Variants in BRF1 observed in about 807,000 individuals in gnomAD.
BRF1 encodes the protein BRF1 general transcription factor IIIB subunit.
A neutral mutation model predicts 81.7 loss-of-function variants in BRF1; 59 were observed. That is an observed-to-expected ratio of 0.72 (90% CI 0.59 to 0.90). The LOEUF (loss-of-function observed/expected upper bound fraction) is 0.90, where lower values mean the gene tolerates loss of function less well. BRF1 is among the 40% of genes least tolerant of loss of function. BRF1 has a pLI of 0.00. For synonymous variants in BRF1, 491 were observed against 395.6 expected (o/e 1.24, Z -2.86); for missense variants, 1,050 against 936.3 (o/e 1.12, Z -1.58).
intron 15 of BRF1, 76 bp downstream of exon 15, chr14:105,217,468 T>G: frequency 1.3e-6 from 2 of 1,566,900 alleles, no homozygotes; most frequent in Non-Finnish European, 8.7e-7. Flanking sequence ...CCCCGGCAGC[T>G]CCAGGACCCG....
At chr14:105,313,176 A>G (rs1420823821) in intron 1 of BRF1, among the ~76,000 whole-genome samples, 1 of 152,160 alleles carries the variant, frequency 6.6e-6, no homozygotes, top group Admixed American at 6.5e-5. Context: ...CACAGGCACC[A>G]TGTGTCAGGC....
intron 5 of BRF1, among the ~76,000 whole-genome samples, chr14:105,251,485 G>C (rs1329811872): frequency 6.6e-6 from 1 of 152,170 alleles, no homozygotes; most frequent in Non-Finnish European, 1.5e-5. Flanking sequence ...CCCACCCCTT[G>C]TCTCTCTCCT....
intron 3 of BRF1, 113 bp from the exon 4 acceptor site, chr14:105,256,662 C>A: frequency 6.8e-7 from 1 of 1,461,862 alleles, no homozygotes; most frequent in Non-Finnish European, 9.2e-7. Flanking sequence ...GTCGCCCCTC[C>A]AAATATAAGC....
At chr14:105,256,696 G>A in intron 3 of BRF1, 147 bp from the exon 4 acceptor site, 1 of 1,359,260 alleles carries the variant, frequency 7.4e-7, no homozygotes, top group Non-Finnish European at 9.9e-7. Context: ...AGGAAGGAAA[G>A]GTGGTATGGA....
At chr14:105,248,211 T>C in intron 5 of BRF1, 7 of 985,456 alleles carry the variant, frequency 7.1e-6, no homozygotes, top group Non-Finnish European at 8.4e-6. Context: ...TCGCGAAGCA[T>C]CTGAACGAAC....
In BRF1 at chr14:105,286,373, G is replaced by C. The variant is rs1471142941; in HGVS notation, c.188C>G (p.Ala63Gly). The C allele has an allele frequency of 1.9e-6, 3 of 1,612,490 alleles. No homozygotes were observed. The change falls in exon 2 of 18, where the codon GCT becomes GGT. Residue 63 changes from alanine (A) to glycine (G), a missense_variant. By Grantham distance (60) the Ala-to-Gly change is moderately conservative (BLOSUM62 0). Around this residue, in one of 2 missense-constraint regions of BRF1, gnomAD observed 1,043 missense variants for 915.4 expected, o/e 1.14. Transcript: ENST00000547530. ...GCCACCCAGAGTCGGGGTTTTGCCAGCACCTGGAAACACAAAAAAAGACAG... is the reference window on the plus strand; with the variant it reads ...GCCACCCAGAGTCGGGGTTTTGCCACCACCTGGAAACACAAAAAAAGACAG... Reference protein sequence around the residue: ...AVGQFVSLDGAGKTPTLGGGF... With the variant: ...AVGQFVSLDGGGKTPTLGGGF...
At chr14:105,220,405 T>C (rs768359229) in intron 11 of BRF1, among the ~76,000 whole-genome samples, 1 of 152,192 alleles carries the variant, frequency 6.6e-6, no homozygotes, top group Non-Finnish European at 1.5e-5. Context: ...AAAGCAACTT[T>C]TTAAGAACAG....
chr14:105,286,628 C>CG (rs1332259712), intron 1 of BRF1, among the ~76,000 whole-genome samples: 1 of 151,758 alleles, frequency 6.6e-6, no homozygotes, highest in African/African-American at 2.4e-5. Flanking sequence ...TTTTTTGAGA[C>CG]GGAGTCTCCC....
chr14:105,246,698 C>T (rs1041719863), intron 5 of BRF1, among the ~76,000 whole-genome samples: 2 of 151,478 alleles, frequency 1.3e-5, no homozygotes, highest in Non-Finnish European at 2.9e-5. Flanking sequence ...CTCAAGTGAT[C>T]CGCCCACCTT....
At chr14:105,290,841 C>T (rs587690675) in intron 1 of BRF1, among the ~76,000 whole-genome samples, 1 of 152,068 alleles carries the variant, frequency 6.6e-6, no homozygotes, top group African/African-American at 2.4e-5. Context: ...TGGGGCCACG[C>T]TGCTGCACCT....
chr14:105,219,831 G>T (rs1053381813), intron 12 of BRF1: 8 of 575,612 alleles, frequency 1.4e-5, no homozygotes, highest in African/African-American at 7.5e-5. Context: ...GCCGAGGGCC[G>T]CAAGGACCAG....
chr14:105,242,831 C>G (rs770762196), intron 5 of BRF1, among the ~76,000 whole-genome samples: 3 of 151,516 alleles, frequency 2.0e-5, no homozygotes, highest in Non-Finnish European at 4.4e-5. Flanking sequence ...AAAATTTGGC[C>G]GGGGCCAGGT....
intron 5 of BRF1, chr14:105,249,595 G>A (rs2055456384): frequency 6.3e-7 from 1 of 1,586,624 alleles, no homozygotes; most frequent in Non-Finnish European, 8.6e-7. Context: ...GCCCCGCGAT[G>A]GGTGCTTGGG....
rs752531348 is a variant in BRF1 at position 105,211,193 on chromosome 14, GCCT to G, written c.1922_1924del (p.Glu641del). 4.3e-6 allele frequency: 7 copies of G among 1,611,864 alleles called. No homozygotes were observed. Among genetic ancestry groups the G allele is most frequent in the South Asian group, 1.1e-5 (1 of 91,060 alleles). On this transcript the variant is annotated inframe_deletion, in exon 17 of 18. Transcript: ENST00000547530. The stretch of plus-strand genomic sequence containing the variant: ...CTCCTCGTCAGGCTCCTCCTCGTCA[GCCT>G]CCTCGTCGGCGTGGTATGACACGGG...
Position 105,286,503 on chromosome 14 carries a change from C to A in BRF1, c.185-127G>T, listed in dbSNP as rs149520246. ...AGCACTCATGGGGGAAGCAGCAGGT[C>A]GGCCCCCCGCACCTCCGTCACTGAG... On this transcript the variant is annotated intron_variant, in intron 1 of 17. Coordinates refer to ENST00000547530, the MANE Select transcript of BRF1 (RefSeq NM_001519.4). The A allele has an allele frequency of 8.6e-6, 8 of 928,892 alleles. No individual in the cohort carries two copies. In the East Asian group the frequency reaches 2.1e-4, roughly 25 times the overall value. The allele number at this position is 928,892 out of a possible 1,614,324, so 57.5% of individuals were successfully genotyped here.
intron 2 of BRF1, among the ~76,000 whole-genome samples, chr14:105,274,396 T>C (rs2056791386): frequency 6.6e-6 from 1 of 152,222 alleles, no homozygotes; most frequent in African/African-American, 2.4e-5. Context: ...ACTTTGTCTC[T>C]GTGTCATTTC....
Position 105,241,391 on chromosome 14 carries a change from A to T in BRF1, c.568T>A (p.Phe190Ile), listed in dbSNP as rs747074989. 1 of 1,612,580 alleles carries T rather than the reference A, an allele frequency of 6.2e-7. No homozygotes were observed. The highest frequency in any genetic ancestry group is 8.5e-7 in the Non-Finnish European group (1 of 1,179,912). The change falls in exon 6 of 18, where the codon TTT (phenylalanine) becomes ATT (isoleucine). Residue 190 changes from phenylalanine to isoleucine, a missense_variant. Phe to Ile is a conservative substitution (Grantham distance 21). Around this residue, in one of 2 missense-constraint regions of BRF1, gnomAD observed 1,043 missense variants for 915.4 expected, o/e 1.14. Coordinates refer to ENST00000547530, the MANE Select transcript of BRF1 (RefSeq NM_001519.4). Reference sequence around the variant, plus strand: ...TCCCCGAATTCCAGCAGGTGCGCAAAGCGTGGAATATACAGGCACGGGTCT... The same window carrying T: ...TCCCCGAATTCCAGCAGGTGCGCAATGCGTGGAATATACAGGCACGGGTCT... ...AIDPCLYIPR[F>I]AHLLEFGEKN...
intron 8 of BRF1, 119 bp from the exon 9 acceptor site, chr14:105,226,409 A>C: frequency 6.7e-7 from 1 of 1,484,162 alleles, no homozygotes; most frequent in Non-Finnish European, 9.3e-7. Context: ...GTACGCAGCG[A>C]TGGAGGTGGA....
intron 1 of BRF1, among the ~76,000 whole-genome samples, chr14:105,295,948 G>A (rs1309150985): frequency 1.3e-5 from 2 of 151,866 alleles, no homozygotes; most frequent in Non-Finnish European, 2.9e-5. Flanking sequence ...GTATGGTAGT[G>A]GGCTCCTATG....
Sources: allele counts gnomAD v4.1 joint callset (sites outside exome capture counted in the v4.1 genomes callset), GRCh38; gene constraint gnomAD v4.1.1; regional missense constraint gnomAD v4.1.1; transcripts MANE v1.5; gene names NCBI Gene and HGNC (gene_info 2026-07-23, HGNC 2026-07-21).